Variants in LARGE1 observed in about 807,000 individuals in gnomAD.
The protein encoded by LARGE1 is xylosyl- and glucuronyltransferase LARGE1.
LARGE1 carries 43 observed loss-of-function variants against 87.6 expected under a neutral mutation model. The observed-to-expected ratio is 0.49, with a 90% confidence interval of 0.38 to 0.63. The LOEUF is 0.63. Ranked by LOEUF, LARGE1 falls within the 30% of genes least tolerant of loss-of-function variation. The pLI is 0.00. For synonymous variants in LARGE1, 434 were observed against 394.6 expected (o/e 1.10, Z -1.18); for missense variants, 802 against 1,000.2 (o/e 0.80, Z 2.67).
chr22:33,859,430 G>A (rs539850643), intron 1 of LARGE1, among the ~76,000 whole-genome samples: 7 of 152,264 alleles, frequency 4.6e-5, no homozygotes, highest in African/African-American at 9.6e-5. Context: ...GGCCTCTGGC[G>A]GTATAAACTT....
At chr22:33,258,298 C>T (rs1927426983) in intron 11 of LARGE1, among the ~76,000 whole-genome samples, 2 of 152,320 alleles carry the variant, frequency 1.3e-5, no homozygotes, top group East Asian at 3.9e-4. Context: ...TCCCAAAGTG[C>T]TGGGATTACA....
chr22:33,427,104 C>A (rs1421971469), intron 7 of LARGE1, among the ~76,000 whole-genome samples: 1 of 152,196 alleles, frequency 6.6e-6, no homozygotes, highest in African/African-American at 2.4e-5. Context: ...CTTAATGAGC[C>A]TGTCAAAATC....
In LARGE1 at chr22:33,873,845, C is replaced by A. The variant is rs1424010043; in HGVS notation, c.-83+46150G>T. Among the ~76,000 whole-genome samples the A allele has an allele frequency of 3.3e-5, 5 of 152,060 alleles. No individual in the cohort carries two copies. In the South Asian group the frequency reaches 1.0e-3, roughly 32 times the overall value. On this transcript the variant is annotated intron_variant, in intron 1 of 14. Transcript: ENST00000397394. ...CCTCCTCACTCCATGTCACAAGAAG[C>A]CAAGTACAAGTCACTGGTTTCACCT...
intron 6 of LARGE1, among the ~76,000 whole-genome samples, chr22:33,460,035 C>T (rs2068310357): frequency 6.6e-6 from 1 of 152,234 alleles, no homozygotes; most frequent in African/African-American, 2.4e-5. Flanking sequence ...GAGACAATGG[C>T]TGCCTCTGGA....
rs571267682 is a variant in LARGE1, at chr22:33,239,694, G to A, written c.1730+64535C>T. Among the ~76,000 whole-genome samples, 4 of 151,516 alleles carry A rather than the reference G, an allele frequency of 2.6e-5. No individual in the cohort carries two copies. The East Asian group carries it at 5.8e-4, about 22-fold the overall frequency. The stretch of plus-strand genomic sequence containing the variant: ...GCTGGGACTACAGGTGCATGACACC[G>A]CACCTGGCTAGTTTTTGTATTTTTA... On this transcript the variant is annotated intron_variant, in intron 11 of 11. Coordinates refer to the LARGE1 transcript ENST00000608642.
intron 1 of LARGE1, among the ~76,000 whole-genome samples, chr22:33,795,648 A>G (rs5754674): frequency 0.14 from 21,078 of 152,186 alleles, 1,664 homozygotes; most frequent in Middle Eastern, 0.25. Context: ...AAGAAAATGT[A>G]GCACACATAC....
intron 13 of LARGE1, among the ~76,000 whole-genome samples, chr22:33,279,739 C>T (rs571924818): frequency 2.8e-4 from 42 of 152,320 alleles, no homozygotes; most frequent in South Asian, 1.0e-3. Flanking sequence ...ATGTCAATTT[C>T]GGGCATGATC....
At chr22:33,806,155 C>A (rs2086302388) in intron 1 of LARGE1, among the ~76,000 whole-genome samples, 1 of 148,228 alleles carries the variant, frequency 6.7e-6, no homozygotes, top group Admixed American at 6.7e-5. Context: ...CATAAATTTA[C>A]CCACTCTGGA....
At chr22:33,431,905 T>C (rs923199040) in intron 7 of LARGE1, among the ~76,000 whole-genome samples, 1 of 152,178 alleles carries the variant, frequency 6.6e-6, no homozygotes, top group Non-Finnish European at 1.5e-5. Context: ...AGATATCCAA[T>C]AGGATCTGGA....
At chr22:33,768,172 G>A (rs987345751) in intron 1 of LARGE1, among the ~76,000 whole-genome samples, 1 of 152,148 alleles carries the variant, frequency 6.6e-6, no homozygotes, top group East Asian at 1.9e-4. Context: ...AGCCAGGCGT[G>A]GTGGCAGGTG....
the LARGE1 span, among the ~76,000 whole-genome samples, chr22:33,093,852 A>C: frequency 1.1e-5 from 1 of 95,232 alleles, no homozygotes; most frequent in Admixed American, 1.5e-4. Context: ...TTTGAGACAG[A>C]GTTTTGCTCC....
chr22:33,212,176 G>A (rs1924997963), intron 11 of LARGE1, among the ~76,000 whole-genome samples: 2 of 151,998 alleles, frequency 1.3e-5, no homozygotes, highest in African/African-American at 4.8e-5. Context: ...AAGCCATCTA[G>A]GACTTTCTTA....
At chr22:33,600,433 A>G (rs924571330) in intron 5 of LARGE1, among the ~76,000 whole-genome samples, 3 of 152,250 alleles carry the variant, frequency 2.0e-5, no homozygotes, top group African/African-American at 7.2e-5. Flanking sequence ...AAAGCATGAA[A>G]GAATACCCTC....
chr22:33,424,009 A>G (rs1228125551), intron 7 of LARGE1, among the ~76,000 whole-genome samples: 1 of 152,220 alleles, frequency 6.6e-6, no homozygotes. Context: ...AGTTGAACTC[A>G]AGTTCAATTT....
intron 7 of LARGE1, among the ~76,000 whole-genome samples, chr22:33,401,067 C>T (rs576460234): frequency 1.3e-5 from 2 of 152,156 alleles, no homozygotes; most frequent in South Asian, 2.1e-4. Context: ...GTTTCTCCCT[C>T]GCACACTCTC....
chr22:33,567,409 A>G (rs1054315726), intron 5 of LARGE1, among the ~76,000 whole-genome samples: 2 of 152,156 alleles, frequency 1.3e-5, no homozygotes, highest in Admixed American at 6.5e-5. Flanking sequence ...GTATTTAGCT[A>G]TCAGTGCCTC....
intron 6 of LARGE1, among the ~76,000 whole-genome samples, chr22:33,482,392 G>A (rs550840266): frequency 3.9e-5 from 6 of 152,216 alleles, no homozygotes; most frequent in Non-Finnish European, 8.8e-5. Context: ...TCTATGCTGA[G>A]CCTTGTTCCA....
chr22:33,622,348 TGAA>T (rs2079781714), intron 4 of LARGE1, among the ~76,000 whole-genome samples: 1 of 152,170 alleles, frequency 6.6e-6, no homozygotes, highest in South Asian at 2.1e-4. Flanking sequence ...TGCCATCTTG[TGAA>T]GAAGATGCCT....
chr22:33,095,814 C>T, the LARGE1 span, among the ~76,000 whole-genome samples: 54 of 152,104 alleles, frequency 3.6e-4, no homozygotes, highest in Non-Finnish European at 7.2e-4. Flanking sequence ...CTGAGCTTCC[C>T]AGTAGTGTGT....
Sources: allele counts gnomAD v4.1 joint callset (sites outside exome capture counted in the v4.1 genomes callset), GRCh38; gene constraint gnomAD v4.1.1; transcripts MANE v1.5; gene names NCBI Gene and HGNC (gene_info 2026-07-23, HGNC 2026-07-21).